DHX33: variants seen among roughly 807,000 people sequenced by gnomAD.
DHX33 encodes ATP-dependent RNA helicase DHX33.
Under a neutral mutation model 72.5 loss-of-function variants are expected in DHX33, and 42 were observed. The ratio of observed to expected loss-of-function variants is 0.58; its 90% CI spans 0.45 to 0.75. DHX33 has a LOEUF of 0.75. Ranked by LOEUF, DHX33 falls within the 30% of genes least tolerant of loss-of-function variation. The pLI, the probability that DHX33 is intolerant of heterozygous loss-of-function variation, is 0.00. For missense variants in DHX33, 842 were observed against 917.5 expected, an observed-to-expected ratio of 0.92 and a Z score of 1.06; for synonymous variants, 358 against 366.1, an observed-to-expected ratio of 0.98 and a Z score of 0.25.
intron 4 of DHX33, among the ~76,000 whole-genome samples, chr17:5,458,247 A>C (rs937177905): frequency 6.6e-6 from 1 of 152,080 alleles, no homozygotes; most frequent in Admixed American, 6.6e-5. Flanking sequence ...ACAGCAGCAT[A>C]AAGGACTCTG....
In DHX33 at chr17:5,444,475, C is replaced by T; in HGVS notation, c.1854G>A (p.Glu618=). 6.2e-7 allele frequency: 1 copy of T among 1,614,162 alleles called. No individual in the cohort carries two copies. The highest frequency in any genetic ancestry group is 8.5e-7 in the Non-Finnish European group (1 of 1,180,028). ...MPIASSRGDV[E]SVRRCLAHSL... ...TGTGAGCCAGGCAGCGGCGGACACT[C>T]TCCACGTCTCCTCGGGATGATGCGA... is the stretch of plus-strand genomic sequence containing the variant. Residue 618 remains glutamate (E), a synonymous_variant, in exon 12 of 12, where the codon GAG becomes GAA. Transcript: ENST00000225296. This position sits in a 1 kb window ranked among gnomAD's most constrained non-coding sequence, Gnocchi z 4.9.
chr17:5,443,086 A>C lies in DHX33; in HGVS notation c.*1119T>G, dbSNP rs1011632446. The C allele has an allele frequency of 6.6e-6, 1 of 152,190 alleles. No individual in the cohort carries two copies. Among genetic ancestry groups the C allele is most frequent in the Non-Finnish European group, 1.5e-5 (1 of 68,028 alleles). 9.4% of individuals were successfully genotyped at this position (152,190 alleles called of 1,614,324 possible). ...GCTCTAGCTCTTTTAGAATTTGTCCAGCAGGTCTTCTAGACTTCACTGAAC... is the reference window on the plus strand; with the variant it reads ...GCTCTAGCTCTTTTAGAATTTGTCCCGCAGGTCTTCTAGACTTCACTGAAC... On this transcript the variant is annotated 3_prime_UTR_variant, in exon 12 of 12. Coordinates refer to ENST00000225296, the MANE Select transcript of DHX33 (RefSeq NM_020162.4).
At chr17:5,454,123 A>G in intron 6 of DHX33, 143 bp from the exon 7 acceptor site, 3 of 925,902 alleles carry the variant, frequency 3.2e-6, no homozygotes, top group Non-Finnish European at 4.8e-6. Context: ...GACAGCACAA[A>G]ACCAGACTGC....
At chr17:5,449,512 C>G (rs1916799032) in intron 10 of DHX33, among the ~76,000 whole-genome samples, 1 of 152,242 alleles carries the variant, frequency 6.6e-6, no homozygotes. Flanking sequence ...TCTCGGCTCA[C>G]TGCAACCTCT....
chr17:5,462,909 C>T (rs1382111585), intron 2 of DHX33, among the ~76,000 whole-genome samples: 1 of 151,980 alleles, frequency 6.6e-6, no homozygotes, highest in Non-Finnish European at 1.5e-5. Flanking sequence ...GAAATCCCGT[C>T]TCTACTAAAA....
Position 5,468,611 on chromosome 17 carries a change from C to A in DHX33, c.249G>T (p.Leu83=). 1 of 1,610,114 alleles carries A rather than the reference C, an allele frequency of 6.2e-7. No homozygotes were observed. Among genetic ancestry groups the A allele is most frequent in the Non-Finnish European group, 8.5e-7 (1 of 1,178,956 alleles). Reference sequence around the variant, plus strand: ...TGTCCAGGTTTCGGAGCTGGGCCAACAGTTGCCCCCGCGCTTGGAAGATGG... The same window carrying A: ...TGTCCAGGTTTCGGAGCTGGGCCAAAAGTTGCCCCCGCGCTTGGAAGATGG... ...SLPIFQARGQ[L]LAQLRNLDNA... Residue 83 remains leucine, a synonymous_variant, in exon 1 of 12, where the codon CTG becomes CTT. Coordinates refer to ENST00000225296, the MANE Select transcript of DHX33 (RefSeq NM_020162.4).
Position 5,468,961 on chromosome 17 carries a change from C to G in DHX33, c.-102G>C, listed in dbSNP as rs1216730058. On this transcript the variant is annotated 5_prime_UTR_variant, in exon 1 of 12. Coordinates refer to ENST00000225296, the MANE Select transcript of DHX33 (RefSeq NM_020162.4). ...ACCGCCCCTTCCTCGCCGCCACGTGCTGGCGGCTCCCGGCGACCACCGATG... is the reference window on the plus strand; with the variant it reads ...ACCGCCCCTTCCTCGCCGCCACGTGGTGGCGGCTCCCGGCGACCACCGATG... 2.2e-6 allele frequency: 2 copies of G among 911,992 alleles called. No individual in the cohort carries two copies. The highest frequency in any genetic ancestry group is 3.2e-6 in the Non-Finnish European group (2 of 633,050). The allele number at this position is 911,992 out of a possible 1,614,324, so 56.5% of individuals were successfully genotyped here. A position where few individuals can be genotyped will look rare whatever the true frequency, so the allele number is the denominator to read the frequency against.
chr17:5,450,975 A>C, intron 8 of DHX33, 41 bp from the exon 9 acceptor site: 2 of 1,601,944 alleles, frequency 1.2e-6, no homozygotes, highest in Non-Finnish European at 1.7e-6. Context: ...AAAGTCCAAA[A>C]AAATGAAGTT....
At chr17:5,461,649 G>A (rs1195744183) in intron 3 of DHX33, among the ~76,000 whole-genome samples, 2 of 150,168 alleles carry the variant, frequency 1.3e-5, no homozygotes, top group Non-Finnish European at 3.0e-5. Context: ...TCTTGTTCAA[G>A]TGACTCTCCT....
At chr17:5,462,242 GCC>G in intron 3 of DHX33, 75 bp downstream of exon 3, 7 of 1,409,982 alleles carry the variant, frequency 5.0e-6, no homozygotes, top group Non-Finnish European at 6.8e-6. Context: ...GCCCAGCCAG[GCC>G]TGTTTCCTTC....
chr17:5,467,240 T>C (rs1748218175), intron 1 of DHX33, among the ~76,000 whole-genome samples: 1 of 152,198 alleles, frequency 6.6e-6, no homozygotes, highest in Admixed American at 6.5e-5. Context: ...ATTAATCTTT[T>C]TCAAAGATTT....
intron 9 of DHX33, 94 bp from the exon 10 acceptor site, chr17:5,450,500 A>AG: frequency 1.6e-6 from 2 of 1,287,996 alleles, no homozygotes; most frequent in South Asian, 2.6e-5. Flanking sequence ...TTCCCTTCTA[A>AG]GGAGTTAAAG....
chr17:5,462,626 A>G, intron 2 of DHX33, 80 bp from the exon 3 acceptor site: 1 of 992,636 alleles, frequency 1.0e-6, no homozygotes, highest in South Asian at 1.4e-5. Context: ...GGGCACTTGC[A>G]CTACCACAGT....
chr17:5,461,145 A>G, intron 3 of DHX33, 36 bp from the exon 4 acceptor site: 1 of 1,585,934 alleles, frequency 6.3e-7, no homozygotes. Flanking sequence ...CCAGAAACAA[A>G]TAGTGGGAAG....
At chr17:5,455,897 C>T in intron 5 of DHX33, 100 bp downstream of exon 5, 1 of 1,318,600 alleles carries the variant, frequency 7.6e-7, no homozygotes, top group Non-Finnish European at 1.0e-6. Context: ...GTATCCCATC[C>T]CATACACCTT....
chr17:5,461,132 G>A, intron 3 of DHX33, 23 bp from the exon 4 acceptor site: 1 of 1,590,812 alleles, frequency 6.3e-7, no homozygotes, highest in Non-Finnish European at 8.6e-7. Flanking sequence ...ACGAAGAGGA[G>A]GACCAGAAAC....
chr17:5,456,565 C>T (rs939703865), intron 4 of DHX33, among the ~76,000 whole-genome samples: 18 of 151,954 alleles, frequency 1.2e-4, no homozygotes, highest in Admixed American at 3.9e-4. Context: ...CCAGCCTGGG[C>T]GACAGAACGA....
At position 5,450,320 on chromosome 17, in the gene DHX33, G is replaced by A; in HGVS notation, c.1611C>T (p.Asn537=). ...GCACTTCCTCTCGCCGGGAAGGAGG[G>A]TTGTGGAGGACGCTGTCCACAGACA... ...SLLSVDSVLH[N]PPSRREEVQG... Residue 537 remains asparagine (N), a synonymous_variant, in exon 10 of 12, where the codon AAC becomes AAT. Coordinates refer to ENST00000225296, the MANE Select transcript of DHX33 (RefSeq NM_020162.4). The A allele has an allele frequency of 6.2e-7, 1 of 1,614,188 alleles. No individual in the cohort carries two copies.
In DHX33 at chr17:5,453,579, C is replaced by T; in HGVS notation, c.1396+1G>A. On this transcript the variant is annotated splice_donor_variant, in intron 8 of 11. Transcript: ENST00000225296. LOFTEE classifies it high-confidence loss of function. ...TCTGCAAAACTGTGGATTTCACTTA[C>T]CTGGAGATGGCTTCGACATGAAGTC... is the stretch of plus-strand genomic sequence containing the variant. The T allele has an allele frequency of 6.2e-7, 1 of 1,614,048 alleles. No individual in the cohort carries two copies. The highest frequency in any genetic ancestry group is 2.2e-5 in the East Asian group (1 of 44,890).
Sources: gnomAD v4.1 joint callset for allele counts (sites outside exome capture counted in the v4.1 genomes callset) on GRCh38, gnomAD v4.1.1 for gene constraint, Gnocchi (gnomAD v3.1) non-coding constraint, MANE v1.5 for transcripts, NCBI Gene and HGNC (gene_info 2026-07-23, HGNC 2026-07-21) for gene names.